SLC30A9: variants seen among roughly 807,000 people sequenced by gnomAD.
SLC30A9 encodes the protein solute carrier family 30 member 9, also known as proton-coupled zinc antiporter SLC30A9, mitochondrial.
In SLC30A9, 58 loss-of-function variants were observed where a neutral mutation model predicts 87.5. The ratio of observed to expected loss-of-function variants is 0.66; its 90% CI spans 0.54 to 0.82. SLC30A9 has a LOEUF of 0.82. Among genes scored for constraint, SLC30A9 ranks in the 40% least tolerant of loss-of-function variants. The pLI is 0.00. For missense variants in SLC30A9, 557 were observed against 679.1 expected, an observed-to-expected ratio of 0.82 and a Z score of 2.00; for synonymous variants, 234 against 233.0, an observed-to-expected ratio of 1.00 and a Z score of -0.04.
intron 8 of SLC30A9, among the ~76,000 whole-genome samples, chr4:42,045,744 C>T (rs1175658996): frequency 6.6e-6 from 1 of 152,106 alleles, no homozygotes; most frequent in African/African-American, 2.4e-5. Flanking sequence ...CATCCTGATA[C>T]CAAAACCTGG....
chr4:42,045,376 G>A (rs1038318746), intron 8 of SLC30A9, among the ~76,000 whole-genome samples: 7 of 151,760 alleles, frequency 4.6e-5, no homozygotes, highest in African/African-American at 1.5e-4. Context: ...AATGATAAAG[G>A]GGATGTCACC....
In SLC30A9 at chr4:42,039,445, T is replaced by A. The variant is rs1716823342; in HGVS notation, c.737+392T>A. On this transcript the variant is annotated intron_variant, in intron 8 of 17. Coordinates refer to ENST00000264451, the MANE Select transcript of SLC30A9 (RefSeq NM_006345.4). Reference sequence around the variant, plus strand: ...TATCTTGGAAGAACATAATTATTTGTTCTTGTTATTTTTGCCTCCTCTTTT... The same window carrying A: ...TATCTTGGAAGAACATAATTATTTGATCTTGTTATTTTTGCCTCCTCTTTT... Among the ~76,000 whole-genome samples the A allele has an allele frequency of 2.6e-5, 4 of 151,972 alleles. No homozygotes were observed. In the South Asian group the frequency reaches 8.3e-4, roughly 31 times the overall value.
chr4:42,037,659 C>G (rs551538486), intron 7 of SLC30A9, among the ~76,000 whole-genome samples: 2 of 152,042 alleles, frequency 1.3e-5, no homozygotes, highest in Non-Finnish European at 2.9e-5. Context: ...TGTGAATGTT[C>G]TCAAAGATAT....
intron 8 of SLC30A9, among the ~76,000 whole-genome samples, chr4:42,039,529 C>A (rs1425244085): frequency 6.7e-6 from 1 of 150,092 alleles, no homozygotes; most frequent in Non-Finnish European, 1.5e-5. Flanking sequence ...GTGGCTCAAT[C>A]TCAGCTCACT....
At chr4:42,083,177 T>C (rs1718804367) in intron 17 of SLC30A9, among the ~76,000 whole-genome samples, 1 of 152,228 alleles carries the variant, frequency 6.6e-6, no homozygotes, top group Non-Finnish European at 1.5e-5. Context: ...GTTCTTTACT[T>C]TGCCTTTGTT....
intron 2 of SLC30A9, among the ~76,000 whole-genome samples, chr4:42,006,666 A>G (rs1016381140): frequency 3.4e-5 from 5 of 147,270 alleles, no homozygotes; most frequent in Non-Finnish European, 7.5e-5. Context: ...TAGCCTGGGC[A>G]ACAGAGTGAG....
chr4:42,068,049 C>T (rs1218315242), intron 14 of SLC30A9, among the ~76,000 whole-genome samples: 7 of 152,166 alleles, frequency 4.6e-5, no homozygotes, highest in Admixed American at 1.3e-4. Context: ...TTTGATTTAA[C>T]TCACCACCCC....
At position 42,040,915 on chromosome 4, in the gene SLC30A9, G is replaced by A. The variant is rs1161098108; in HGVS notation, c.737+1862G>A. Among the ~76,000 whole-genome samples, 3 of 152,184 alleles carry A rather than the reference G, an allele frequency of 2.0e-5. No individual in the cohort carries two copies. In the East Asian group the frequency reaches 5.8e-4, roughly 29 times the overall value. On this transcript the variant is annotated intron_variant, in intron 8 of 17. Coordinates refer to ENST00000264451, the MANE Select transcript of SLC30A9 (RefSeq NM_006345.4). Reference sequence around the variant, plus strand: ...GAGTGTATTAGTCCATTTTCACGCTGCTGATAAAGACATACCCAAGACTGG... The same window carrying A: ...GAGTGTATTAGTCCATTTTCACGCTACTGATAAAGACATACCCAAGACTGG...
chr4:42,067,437 C>A lies in SLC30A9; in HGVS notation c.1252+245C>A, dbSNP rs7663447. On this transcript the variant is annotated intron_variant, in intron 14 of 17. Coordinates refer to ENST00000264451, the MANE Select transcript of SLC30A9 (RefSeq NM_006345.4). The stretch of plus-strand genomic sequence containing the variant: ...TGTAAAGGATTTCTGTAATGCTGTA[C>A]GTCTTTCTAGCTGTGACTTAAAAAA... 0.98 allele frequency among the ~76,000 whole-genome samples: 148,671 copies of A among 152,350 alleles called. 72,553 individuals are homozygous for A. Among genetic ancestry groups the A allele is most frequent in the East Asian group, 1 (5,162 of 5,186 alleles).
At chr4:42,053,227 G>A (rs547356856) in intron 9 of SLC30A9, among the ~76,000 whole-genome samples, 47 of 152,194 alleles carry the variant, frequency 3.1e-4, no homozygotes, top group Non-Finnish European at 5.9e-4. Flanking sequence ...TGGTGAAGAT[G>A]TGGAGCAGCC....
At chr4:42,047,938 G>A (rs918581018) in intron 8 of SLC30A9, among the ~76,000 whole-genome samples, 4 of 152,168 alleles carry the variant, frequency 2.6e-5, no homozygotes, top group African/African-American at 9.7e-5. Context: ...GGACATGGAT[G>A]AAGCTGGAAA....
chr4:42,037,371 C>T (rs950701622), intron 7 of SLC30A9, among the ~76,000 whole-genome samples: 8 of 147,278 alleles, frequency 5.4e-5, no homozygotes, highest in African/African-American at 1.5e-4. Flanking sequence ...TGGGTCTGCT[C>T]CTCTGGTATT....
At chr4:42,041,541 T>A (rs1716923042) in intron 8 of SLC30A9, among the ~76,000 whole-genome samples, 1 of 152,144 alleles carries the variant, frequency 6.6e-6, no homozygotes, top group South Asian at 2.1e-4. Flanking sequence ...TCAGACCACC[T>A]TGGGCAACAT....
At chr4:42,039,466 CTT>C (rs34260301) in intron 8 of SLC30A9, among the ~76,000 whole-genome samples, 27 of 141,272 alleles carry the variant, frequency 1.9e-4, no homozygotes, top group Admixed American at 2.8e-4. Flanking sequence ...TTTGCCTCCT[CTT>C]TTTTTTTTTT....
At chr4:41,991,048 T>TC (rs781702313) in intron 1 of SLC30A9, among the ~76,000 whole-genome samples, 4 of 152,256 alleles carry the variant, frequency 2.6e-5, no homozygotes, top group Non-Finnish European at 5.9e-5. Context: ...AACAAAATGT[T>TC]ACGTGCGCAT....
chr4:41,994,366 A>G (rs891061232), intron 1 of SLC30A9, among the ~76,000 whole-genome samples: 1 of 152,026 alleles, frequency 6.6e-6, no homozygotes, highest in Non-Finnish European at 1.5e-5. Flanking sequence ...TTTCTGTAGT[A>G]AGTATATCCT....
At chr4:42,069,655 A>T (rs1176298003) in intron 14 of SLC30A9, among the ~76,000 whole-genome samples, 4 of 152,222 alleles carry the variant, frequency 2.6e-5, no homozygotes, top group Non-Finnish European at 5.9e-5. Context: ...AAAGACTTGT[A>T]GTCATAAAAG....
chr4:42,031,156 G>A, intron 6 of SLC30A9, among the ~76,000 whole-genome samples: 1 of 151,890 alleles, frequency 6.6e-6, no homozygotes, highest in East Asian at 1.9e-4. Flanking sequence ...GGTGTAAAAT[G>A]TTTTCTACTA....
chr4:42,027,352 C>T (rs574794979), intron 6 of SLC30A9, among the ~76,000 whole-genome samples: 1 of 152,300 alleles, frequency 6.6e-6, no homozygotes, highest in Admixed American at 6.5e-5. Context: ...TGAGTAGCTC[C>T]GACAGAGACT....
Sources: allele counts gnomAD v4.1 joint callset (sites outside exome capture counted in the v4.1 genomes callset), GRCh38; gene constraint gnomAD v4.1.1; transcripts MANE v1.5; gene names NCBI Gene and HGNC (gene_info 2026-07-23, HGNC 2026-07-21).